Variants in STX18 observed in about 807,000 individuals in gnomAD.
STX18 encodes syntaxin-18.
In STX18, 40 loss-of-function variants were observed where a neutral mutation model predicts 50.1. That is an observed-to-expected ratio of 0.80 (90% CI 0.62 to 1.04). The LOEUF is 1.04. STX18 is among the 50% of genes least tolerant of loss of function. The probability of loss-of-function intolerance (pLI) is 0.00; values close to 1 mark genes in which losing one functional copy is unlikely to be tolerated. For missense variants in STX18, 410 were observed against 415.8 expected, an observed-to-expected ratio of 0.99 and a Z score of 0.12; for synonymous variants, 158 against 151.8, an observed-to-expected ratio of 1.04 and a Z score of -0.30.
At chr4:4,462,755 C>CCTCGGGGACAACT (rs1292284474) in intron 2 of STX18, among the ~76,000 whole-genome samples, 3 of 152,072 alleles carry the variant, frequency 2.0e-5, no homozygotes, top group Non-Finnish European at 4.4e-5. Context: ...ATGAAGAATG[C>CCTCGGGGACAACT]CTCGGGGACA....
chr4:4,485,342 G>A (rs1346866751), intron 1 of STX18, among the ~76,000 whole-genome samples: 1 of 152,156 alleles, frequency 6.6e-6, no homozygotes, highest in East Asian at 1.9e-4. Flanking sequence ...CTCACCCATA[G>A]GGCAAGGTGA....
intron 1 of STX18, among the ~76,000 whole-genome samples, chr4:4,486,350 A>T (rs1188658434): frequency 2.0e-5 from 3 of 152,254 alleles, no homozygotes; most frequent in Non-Finnish European, 4.4e-5. Context: ...AAGAAATCAG[A>T]AATGTCATTC....
intron 1 of STX18, among the ~76,000 whole-genome samples, chr4:4,520,127 T>C (rs1730445235): frequency 6.6e-6 from 1 of 152,188 alleles, no homozygotes; most frequent in Admixed American, 6.5e-5. Flanking sequence ...AGAAACAAGC[T>C]AACTAGTACA....
chr4:4,449,507 T>C lies in STX18; in HGVS notation c.497+7684A>G, dbSNP rs192753403. Among the ~76,000 whole-genome samples the C allele has an allele frequency of 2.0e-5, 3 of 152,346 alleles. No individual in the cohort carries two copies. The East Asian group carries it at 5.8e-4, about 29-fold the overall frequency. On this transcript the variant is annotated intron_variant, in intron 5 of 10. Coordinates refer to ENST00000306200, the MANE Select transcript of STX18 (RefSeq NM_016930.4). ...GTTTCACGGCCTCAACACACAATAA[T>C]GTGTCACTTATTCTGTAAGAGATCT... is the stretch of plus-strand genomic sequence containing the variant.
intron 1 of STX18, among the ~76,000 whole-genome samples, chr4:4,481,041 G>A (rs1029952773): frequency 1.7e-4 from 26 of 152,344 alleles, no homozygotes; most frequent in African/African-American, 5.8e-4. Context: ...ATCCCAGGCG[G>A]CAGGCCCAGC....
At chr4:4,506,099 G>T (rs1329560701) in intron 1 of STX18, among the ~76,000 whole-genome samples, 1 of 152,098 alleles carries the variant, frequency 6.6e-6, no homozygotes, top group Non-Finnish European at 1.5e-5. Flanking sequence ...CACTACTTGA[G>T]TATTATGAAT....
intron 1 of STX18, among the ~76,000 whole-genome samples, chr4:4,526,792 G>A (rs1730784379): frequency 6.6e-6 from 1 of 151,462 alleles, no homozygotes; most frequent in Non-Finnish European, 1.5e-5. Context: ...AACATAGTGA[G>A]ACTCTATCTC....
chr4:4,424,845 T>A (rs183829497), intron 8 of STX18, among the ~76,000 whole-genome samples: 1 of 152,064 alleles, frequency 6.6e-6, no homozygotes, highest in Admixed American at 6.5e-5. Flanking sequence ...CATTTCAGAG[T>A]CGCTGCGTGG....
At chr4:4,464,432 T>C (rs1727523204) in intron 2 of STX18, among the ~76,000 whole-genome samples, 3 of 152,240 alleles carry the variant, frequency 2.0e-5, no homozygotes, top group Admixed American at 1.3e-4. Flanking sequence ...TGAGAAACTA[T>C]CTTTTTCATC....
intron 1 of STX18, among the ~76,000 whole-genome samples, chr4:4,485,031 G>C (rs537363820): frequency 7.9e-5 from 12 of 152,348 alleles, no homozygotes; most frequent in Non-Finnish European, 1.3e-4. Context: ...TGGAGGCTGT[G>C]TGTGGAGAGT....
At chr4:4,524,876 T>A (rs1048698027) in intron 1 of STX18, among the ~76,000 whole-genome samples, 9 of 152,178 alleles carry the variant, frequency 5.9e-5, no homozygotes, top group Admixed American at 5.9e-4. Context: ...AAGCCACACA[T>A]TTGAAGAAAT....
intron 1 of STX18, among the ~76,000 whole-genome samples, chr4:4,538,975 A>G (rs1198031089): frequency 1.3e-5 from 2 of 152,232 alleles, no homozygotes; most frequent in African/African-American, 2.4e-5. Context: ...GCATTTGAGT[A>G]TATATAAATT....
intron 1 of STX18, among the ~76,000 whole-genome samples, chr4:4,504,848 T>C (rs1240659339): frequency 6.6e-6 from 1 of 152,154 alleles, no homozygotes; most frequent in Non-Finnish European, 1.5e-5. Flanking sequence ...TCATACATTG[T>C]TGGTGGGAGC....
rs375919370 is a variant in STX18 at position 4,441,358 on chromosome 4, C to T, written c.498-2849G>A. ...TCTTTGGAAAATATAATCTGCTATTCTAAGTATCACAAATATGCACAAAGG... is the reference window on the plus strand; with the variant it reads ...TCTTTGGAAAATATAATCTGCTATTTTAAGTATCACAAATATGCACAAAGG... On this transcript the variant is annotated intron_variant, in intron 5 of 10. Coordinates refer to ENST00000306200, the MANE Select transcript of STX18 (RefSeq NM_016930.4). Among the ~76,000 whole-genome samples the T allele has an allele frequency of 1.3e-3, 202 of 152,224 alleles. 1 individual carries two copies. The highest frequency in any genetic ancestry group is 6.8e-3 in the Middle Eastern group (2 of 294).
chr4:4,481,703 A>G (rs1233445057), intron 1 of STX18: 1 of 152,216 alleles, frequency 6.6e-6, no homozygotes, highest in East Asian at 1.9e-4. Context: ...TCAGAGCTAA[A>G]AGTTCAGAAC....
chr4:4,425,176 A>G lies in STX18; in HGVS notation c.749T>C (p.Phe250Ser). The change falls in exon 8 of 11, where the codon TTT becomes TCT. Residue 250 changes from phenylalanine (F) to serine (S), a missense_variant. Physicochemically the swap from Phe to Ser is radical, Grantham distance 155. Transcript: ENST00000306200. ...QRLIGEMNSL[F>S]DEVRQIEGRV... ...GCTACAAACATACCTCACTTCATCAAACAAGCTGTTCATTTCACCAATTAG... is the reference window on the plus strand; with the variant it reads ...GCTACAAACATACCTCACTTCATCAGACAAGCTGTTCATTTCACCAATTAG... 6.2e-7 allele frequency: 1 copy of G among 1,614,132 alleles called. No individual in the cohort carries two copies.
rs371910242 is a variant in STX18, at chr4:4,501,365, C to T, written c.169-29659G>A. Reference sequence around the variant, plus strand: ...TAGGCAGGCAGGCCACACTCCAGGACCATTGCTGCCACCTCTCTCTCACTG... The same window carrying T: ...TAGGCAGGCAGGCCACACTCCAGGATCATTGCTGCCACCTCTCTCTCACTG... On this transcript the variant is annotated intron_variant, in intron 1 of 10. Transcript: ENST00000306200. 1.7e-4 allele frequency among the ~76,000 whole-genome samples: 26 copies of T among 152,334 alleles called. No homozygotes were observed. The East Asian group carries it at 5.0e-3, about 29-fold the overall frequency.
chr4:4,473,881 T>C (rs1728048048), intron 1 of STX18, among the ~76,000 whole-genome samples: 1 of 152,222 alleles, frequency 6.6e-6, no homozygotes, highest in Non-Finnish European at 1.5e-5. Context: ...GAAGCAGCTC[T>C]GCATGCTGAT....
At chr4:4,517,920 G>GC (rs1013442744) in intron 1 of STX18, among the ~76,000 whole-genome samples, 2 of 151,802 alleles carry the variant, frequency 1.3e-5, no homozygotes, top group African/African-American at 4.8e-5. Flanking sequence ...GATTACAGGC[G>GC]CCTGCCACCA....
Sources: allele counts gnomAD v4.1 joint callset (sites outside exome capture counted in the v4.1 genomes callset), GRCh38; gene constraint gnomAD v4.1.1; transcripts MANE v1.5; gene names NCBI Gene and HGNC (gene_info 2026-07-23, HGNC 2026-07-21).